EPB41L2: variants seen among roughly 807,000 people sequenced by gnomAD.
EPB41L2 encodes the protein erythrocyte membrane protein band 4.1 like 2.
A neutral mutation model predicts 113.0 loss-of-function variants in EPB41L2; 43 were observed. That is an observed-to-expected ratio of 0.38 (90% CI 0.30 to 0.49). EPB41L2 has a LOEUF of 0.49. Ranked by LOEUF, EPB41L2 falls within the 20% of genes least tolerant of loss-of-function variation. The probability of loss-of-function intolerance (pLI) is 0.95; values close to 1 mark genes in which losing one functional copy is unlikely to be tolerated. For missense variants in EPB41L2, 1,147 were observed against 1,223.4 expected (o/e 0.94, Z 0.93); for synonymous variants, 442 against 436.7 (o/e 1.01, Z -0.15).
intron 1 of EPB41L2, among the ~76,000 whole-genome samples, chr6:130,958,468 C>CAAAAAAAAAA (rs200548809): frequency 4.8e-4 from 55 of 113,496 alleles, no homozygotes; most frequent in Non-Finnish European, 6.7e-4. Context: ...ACAACAACAA[C>CAAAAAAAAAA]AAAAAAAAAA....
chr6:131,031,119 A>T (rs1792072288), intron 1 of EPB41L2, among the ~76,000 whole-genome samples: 1 of 152,106 alleles, frequency 6.6e-6, no homozygotes, highest in Non-Finnish European at 1.5e-5. Context: ...ATGAATGGTA[A>T]GAAATATTAA....
chr6:131,032,958 C>G (rs1040814724), intron 1 of EPB41L2, among the ~76,000 whole-genome samples: 2 of 152,196 alleles, frequency 1.3e-5, no homozygotes, highest in African/African-American at 4.8e-5. Context: ...TTACTGCAAC[C>G]TCTGTCACCC....
chr6:130,850,602 C>A (rs1354831050), intron 19 of EPB41L2, among the ~76,000 whole-genome samples: 1 of 152,054 alleles, frequency 6.6e-6, no homozygotes, highest in Admixed American at 6.6e-5. Context: ...TACACACATA[C>A]ACACTGGAAA....
intron 3 of EPB41L2, among the ~76,000 whole-genome samples, chr6:130,951,519 G>A (rs968947110): frequency 2.0e-5 from 3 of 151,222 alleles, no homozygotes; most frequent in African/African-American, 7.3e-5. Context: ...TAAAGATGGA[G>A]TTTCATCATG....
In EPB41L2 at chr6:130,956,472, A is replaced by T; in HGVS notation, c.14T>A (p.Val5Glu). The part of the protein sequence containing the change: MTTE[V>E]GSVSEVKKDS... ...CTTCTTCACTTCAGACACAGAGCCTACTTCAGTAGTCATGGCCACAGCTTA... is the reference window on the plus strand; with the variant it reads ...CTTCTTCACTTCAGACACAGAGCCTTCTTCAGTAGTCATGGCCACAGCTTA... The change falls in exon 2 of 20, where the codon GTA (valine) becomes GAA (glutamate). Residue 5 changes from valine (V) to glutamate (E), a missense_variant. Coordinates refer to ENST00000337057, the MANE Select transcript of EPB41L2 (RefSeq NM_001431.4). 1 of 1,612,664 alleles carries T rather than the reference A, an allele frequency of 6.2e-7. No homozygotes were observed. Among genetic ancestry groups the T allele is most frequent in the Non-Finnish European group, 8.5e-7 (1 of 1,179,492 alleles).
At chr6:131,010,414 A>AT (rs34144765) in intron 1 of EPB41L2, among the ~76,000 whole-genome samples, 25,141 of 142,870 alleles carry the variant, frequency 0.18, 2,683 homozygotes, top group East Asian at 0.44. Flanking sequence ...GAATTAATTA[A>AT]TTTTTTTTTT....
chr6:130,982,155 A>C (rs1273885035), intron 1 of EPB41L2, among the ~76,000 whole-genome samples: 1 of 152,136 alleles, frequency 6.6e-6, no homozygotes, highest in Non-Finnish European at 1.5e-5. Flanking sequence ...CTCCGAAACA[A>C]GAAACACAAT....
At chr6:130,964,422 G>C (rs1451848523) in intron 1 of EPB41L2, among the ~76,000 whole-genome samples, 1 of 151,774 alleles carries the variant, frequency 6.6e-6, no homozygotes, top group African/African-American at 2.4e-5. Flanking sequence ...TAGAATTTCA[G>C]CTCTGCTTAT....
At chr6:130,843,167 C>T (rs932929485) in intron 19 of EPB41L2, among the ~76,000 whole-genome samples, 1 of 152,086 alleles carries the variant, frequency 6.6e-6, no homozygotes, top group Non-Finnish European at 1.5e-5. Flanking sequence ...GAAATACGTT[C>T]CTAAGTACTA....
chr6:130,859,380 C>T (rs1251321649), intron 18 of EPB41L2, among the ~76,000 whole-genome samples: 3 of 152,018 alleles, frequency 2.0e-5, no homozygotes, highest in East Asian at 3.9e-4. Context: ...GCTTGGCTGG[C>T]GCACGCCTGT....
intron 1 of EPB41L2, among the ~76,000 whole-genome samples, chr6:131,037,872 A>G (rs1472021527): frequency 1.3e-5 from 2 of 152,230 alleles, no homozygotes; most frequent in Non-Finnish European, 2.9e-5. Flanking sequence ...TACAGGCATG[A>G]GCCATCGCAC....
chr6:130,895,836 C>T (rs1794474878), intron 8 of EPB41L2, among the ~76,000 whole-genome samples: 1 of 152,186 alleles, frequency 6.6e-6, no homozygotes, highest in Non-Finnish European at 1.5e-5. Context: ...AGAATAATCA[C>T]AGGCCTAAAT....
intron 1 of EPB41L2, among the ~76,000 whole-genome samples, chr6:131,025,296 C>T (rs1301357718): frequency 1.3e-5 from 2 of 152,084 alleles, no homozygotes; most frequent in Non-Finnish European, 2.9e-5. Flanking sequence ...TAGCATAATA[C>T]CACAATAGTG....
chr6:131,041,081 C>A (rs200575006), intron 1 of EPB41L2, among the ~76,000 whole-genome samples: 10 of 152,144 alleles, frequency 6.6e-5, no homozygotes, highest in East Asian at 3.8e-4. Flanking sequence ...TCCCAGTTTG[C>A]CAAACACACT....
At chr6:130,943,693 C>T (rs3777461) in intron 3 of EPB41L2, among the ~76,000 whole-genome samples, 64,502 of 152,014 alleles carry the variant, frequency 0.42, 16,223 homozygotes, top group Non-Finnish European at 0.53. Flanking sequence ...GTGGAGAAGA[C>T]AGAGAAGAAA....
intron 1 of EPB41L2, among the ~76,000 whole-genome samples, chr6:130,991,589 C>T (rs6569716): frequency 0.78 from 118,581 of 152,168 alleles, 46,650 homozygotes; most frequent in East Asian, 0.87. Flanking sequence ...TCCAATATTA[C>T]TTGAACTCCA....
intron 19 of EPB41L2, among the ~76,000 whole-genome samples, chr6:130,845,258 T>C (rs865909855): frequency 1.3e-5 from 2 of 152,246 alleles, no homozygotes; most frequent in Admixed American, 6.5e-5. Flanking sequence ...TAAGACATTA[T>C]GTCCTTTTCA....
intron 14 of EPB41L2, among the ~76,000 whole-genome samples, chr6:130,873,035 T>C (rs992936757): frequency 6.6e-6 from 1 of 152,150 alleles, no homozygotes; most frequent in East Asian, 1.9e-4. Context: ...CTGCATTTTC[T>C]GTAAGGCCTT....
At chr6:131,049,331 T>A (rs1319600588) in intron 1 of EPB41L2, among the ~76,000 whole-genome samples, 1 of 152,354 alleles carries the variant, frequency 6.6e-6, no homozygotes, top group African/African-American at 2.4e-5. Context: ...TACAAGTTCA[T>A]GGATAAATTT....
Sources: gnomAD v4.1 joint callset for allele counts (sites outside exome capture counted in the v4.1 genomes callset) on GRCh38, gnomAD v4.1.1 for gene constraint, MANE v1.5 for transcripts, NCBI Gene and HGNC (gene_info 2026-07-23, HGNC 2026-07-21) for gene names.